The following ANKHD1 variants were observed in gnomAD, a reference collection of about 807,000 sequenced individuals.
The protein encoded by ANKHD1 is ankyrin repeat and KH domain containing 1.
In ANKHD1, 31 loss-of-function variants were observed where a neutral mutation model predicts 230.5. That is an observed-to-expected ratio of 0.13 (90% confidence interval 0.10 to 0.18). The LOEUF is 0.18. Ranked by LOEUF, ANKHD1 falls within the 10% of genes least tolerant of loss-of-function variation. The probability of loss-of-function intolerance (pLI) is 1.00; values close to 1 mark genes in which losing one functional copy is unlikely to be tolerated. For synonymous variants in ANKHD1, 1,074 were observed against 1,117.6 expected (o/e 0.96, Z 0.78); for missense variants, 2,256 against 3,071.3 (o/e 0.73, Z 6.27).
chr5:140,501,285 G>A (rs1752293144), intron 15 of ANKHD1, among the ~76,000 whole-genome samples: 1 of 151,018 alleles, frequency 6.6e-6, no homozygotes, highest in Non-Finnish European at 1.5e-5. Flanking sequence ...TCACTATGTT[G>A]GCCAGGCTGA....
intron 9 of ANKHD1, among the ~76,000 whole-genome samples, chr5:140,464,353 A>C (rs1435571786): frequency 6.6e-6 from 1 of 152,200 alleles, no homozygotes; most frequent in Non-Finnish European, 1.5e-5. Flanking sequence ...TCTGAATACA[A>C]ACCAAAAGTA....
In ANKHD1 at chr5:140,529,836, C is replaced by T. The variant is rs377093708; in HGVS notation, c.6850+40C>T. The T allele has an allele frequency of 1.7e-5, 27 of 1,600,078 alleles. No homozygotes were observed. In the African/African-American group the frequency reaches 2.4e-4, roughly 14 times the overall value. On this transcript the variant is annotated intron_variant, in intron 29 of 33. Transcript: ENST00000360839. ...ATTGCTGCAGTTGAGTTTGGAGCTC[C>T]TATGGCCTAATCTCACCTTAAGTGG...
At chr5:140,406,320 G>A (rs775287309) in intron 1 of ANKHD1, among the ~76,000 whole-genome samples, 7 of 152,074 alleles carry the variant, frequency 4.6e-5, no homozygotes, top group Admixed American at 6.6e-5. Context: ...GTTTGGGAGT[G>A]AAGTTTGTCT....
chr5:140,411,494 A>G (rs998449903), intron 1 of ANKHD1, among the ~76,000 whole-genome samples: 11 of 151,500 alleles, frequency 7.3e-5, no homozygotes, highest in African/African-American at 2.7e-4. Context: ...TCTTGTTGGA[A>G]AAGTTTTTTT....
intron 10 of ANKHD1, among the ~76,000 whole-genome samples, chr5:140,479,422 C>G (rs1255415123): frequency 1.3e-5 from 2 of 152,002 alleles, no homozygotes; most frequent in Non-Finnish European, 2.9e-5. Context: ...GGAAAAAAAT[C>G]AGAAACAATT....
chr5:140,519,397 A>G (rs1753209258), intron 24 of ANKHD1, among the ~76,000 whole-genome samples: 1 of 152,190 alleles, frequency 6.6e-6, no homozygotes, highest in Non-Finnish European at 1.5e-5. Context: ...CAAGCTACCA[A>G]TGACTTTCTT....
In ANKHD1 at chr5:140,496,731, A is replaced by T. The variant is rs1397844584; in HGVS notation, c.2457A>T (p.Glu819Asp). The T allele has an allele frequency of 6.2e-7, 1 of 1,613,662 alleles. No individual in the cohort carries two copies. The highest frequency in any genetic ancestry group is 8.5e-7 in the Non-Finnish European group (1 of 1,179,922). The change falls in exon 15 of 34, where the codon GAA becomes GAT. Residue 819 changes from glutamate (E) to aspartate (D), a missense_variant. Physicochemically the swap from Glu to Asp is conservative, Grantham distance 45 (BLOSUM62 2). This residue lies in a region of ANKHD1 where 358 missense variants were observed against 397.7 expected (regional missense o/e 0.90). Transcript: ENST00000360839. Reference protein sequence around the residue: ...GEPLNKDKIEELKKNREEQVQ... With the variant: ...GEPLNKDKIEDLKKNREEQVQ... ...CTCTGAACAAAGATAAGATAGAAGAACTTAAAAAGAACAGAGAAGAGCAAG... is the reference window on the plus strand; with the variant it reads ...CTCTGAACAAAGATAAGATAGAAGATCTTAAAAAGAACAGAGAAGAGCAAG...
At chr5:140,535,212 T>C in intron 29 of ANKHD1, 150 bp from the exon 30 acceptor site, 1 of 1,250,660 alleles carries the variant, frequency 8.0e-7, no homozygotes, top group Non-Finnish European at 1.1e-6. Flanking sequence ...TGGATTGTTT[T>C]TGCTGTGGTC....
intron 9 of ANKHD1, among the ~76,000 whole-genome samples, chr5:140,461,620 T>TA (rs1775709841): frequency 6.6e-6 from 1 of 152,210 alleles, no homozygotes; most frequent in African/African-American, 2.4e-5. Flanking sequence ...TGGCCAATCT[T>TA]ATTTCATCTG....
At position 140,506,924 on chromosome 5, in the gene ANKHD1, A is replaced by T; in HGVS notation, c.3498A>T (p.Gly1166=). The T allele has an allele frequency of 2.5e-6, 4 of 1,614,130 alleles. No individual in the cohort carries two copies. Among genetic ancestry groups the T allele is most frequent in the Non-Finnish European group, 3.4e-6 (4 of 1,180,016 alleles). ...CACTGAGTCTAGCTGCGTCTGGAGG[A>T]TATGTTAATATCATTAAGATTCTGC... ...YTPLSLAASG[G]YVNIIKILLN... The change falls in exon 19 of 34, where the codon GGA becomes GGT. Residue 1166 remains glycine, a synonymous_variant. Transcript: ENST00000360839. The surrounding 1 kb of genome is among the most constrained non-coding windows in gnomAD (Gnocchi z 4.7).
chr5:140,442,168 T>C (rs1773906145), intron 5 of ANKHD1, among the ~76,000 whole-genome samples: 1 of 151,368 alleles, frequency 6.6e-6, no homozygotes, highest in Non-Finnish European at 1.5e-5. Context: ...GTTTCCCAAG[T>C]AGCTGGGATT....
intron 10 of ANKHD1, chr5:140,472,234 C>G (rs770310183): frequency 6.2e-7 from 1 of 1,610,508 alleles, no homozygotes; most frequent in Non-Finnish European, 8.5e-7. Flanking sequence ...TTTTTCCTTT[C>G]GCAGGACAAG....
In ANKHD1 at chr5:140,456,283, G is replaced by A. The variant is rs186584855; in HGVS notation, c.1243-2342G>A. Among the ~76,000 whole-genome samples, 258 of 152,242 alleles carry A rather than the reference G, an allele frequency of 1.7e-3. 2 individuals carry two copies. Among genetic ancestry groups the A allele is most frequent in the Middle Eastern group, 0.014 (4 of 294 alleles). On this transcript the variant is annotated intron_variant, in intron 7 of 33. Transcript: ENST00000360839. ...TCAATATCGTGAAAATGGCCATACT[G>A]CCCAAAGTAATTTATAGATTCAATG...
intron 9 of ANKHD1, among the ~76,000 whole-genome samples, chr5:140,461,879 A>G (rs1775725247): frequency 6.6e-6 from 1 of 152,130 alleles, no homozygotes; most frequent in Admixed American, 6.6e-5. Flanking sequence ...ATAAATCTGT[A>G]TGTATGTGTT....
intron 3 of ANKHD1, among the ~76,000 whole-genome samples, chr5:140,438,925 A>G (rs1266125328): frequency 6.6e-6 from 1 of 152,202 alleles, no homozygotes; most frequent in Non-Finnish European, 1.5e-5. Context: ...AAAAGTTATT[A>G]TAGTAAACTC....
At chr5:140,439,233 A>G (rs1157187176) in intron 3 of ANKHD1, among the ~76,000 whole-genome samples, 2 of 152,212 alleles carry the variant, frequency 1.3e-5, no homozygotes, top group East Asian at 3.8e-4. Flanking sequence ...AATTTCAGCC[A>G]TAGGATTATA....
At position 140,538,973 on chromosome 5, in the gene ANKHD1, G is replaced by A. The variant is rs1754194121; in HGVS notation, c.7459G>A (p.Ala2487Thr). ...CATAATACCCTCTCATCCTCAGCTT[G>A]CTGATGTTCCAGGAGGCCCTCTGTT... ...GTIIPSHPQL[A>T]DVPGGPLFNG... is the part of the protein sequence containing the mutation. The change falls in exon 33 of 34, where the codon GCT (alanine) becomes ACT (threonine). Residue 2487 changes from alanine to threonine, a missense_variant. This residue lies in a region of ANKHD1 where 778 missense variants were observed against 966.5 expected (regional missense o/e 0.80). Transcript: ENST00000360839. 6.2e-7 allele frequency: 1 copy of A among 1,610,748 alleles called. No homozygotes were observed. Among genetic ancestry groups the A allele is most frequent in the Non-Finnish European group, 8.5e-7 (1 of 1,178,378 alleles).
Position 140,402,182 on chromosome 5 carries a change from A to G in ANKHD1, c.215A>G (p.Asp72Gly). The part of the protein sequence containing the change: ...GGSGSGTGGG[D>G]AALDFKLAAA... ...AGCGGCAGCGGTACGGGCGGAGGGG[A>G]CGCGGCGCTGGATTTCAAGTTGGCG... is the stretch of plus-strand genomic sequence containing the variant. The change falls in exon 1 of 34, where the codon GAC (aspartate) becomes GGC (glycine). Residue 72 changes from aspartate (D) to glycine (G), a missense_variant. By Grantham distance (94) the Asp-to-Gly change is moderately conservative (BLOSUM62 -1). Around this residue, in one of 13 missense-constraint regions of ANKHD1, gnomAD observed 193 missense variants for 185.8 expected, o/e 1.04. Coordinates refer to ENST00000360839, the MANE Select transcript of ANKHD1 (RefSeq NM_017747.3). 6.6e-7 allele frequency: 1 copy of G among 1,522,840 alleles called. No individual in the cohort carries two copies. Among genetic ancestry groups the G allele is most frequent in the Non-Finnish European group, 8.8e-7 (1 of 1,139,920 alleles). The allele number at this position is 1,522,840 out of a possible 1,614,324, so 94.3% of individuals were successfully genotyped here. A position where few individuals can be genotyped will look rare whatever the true frequency, so the allele number is the denominator to read the frequency against.
At chr5:140,525,848 A>G in intron 25 of ANKHD1, 148 bp from the exon 26 acceptor site, 1 of 1,129,308 alleles carries the variant, frequency 8.9e-7, no homozygotes, top group South Asian at 2.1e-5. Flanking sequence ...AAAAAAAAAA[A>G]AAGATTTCTT....
Sources: allele counts gnomAD v4.1 joint callset (sites outside exome capture counted in the v4.1 genomes callset), GRCh38; gene constraint gnomAD v4.1.1; regional missense constraint gnomAD v4.1.1; non-coding constraint Gnocchi (gnomAD v3.1); transcripts MANE v1.5; gene names NCBI Gene and HGNC (gene_info 2026-07-23, HGNC 2026-07-21).